The following VDAC1 variants were observed in gnomAD, a reference collection of about 807,000 sequenced individuals.
VDAC1 encodes voltage dependent anion channel 1.
A neutral mutation model predicts 34.7 loss-of-function variants in VDAC1; 10 were observed. That is an observed-to-expected ratio of 0.29 (90% CI 0.18 to 0.49). The LOEUF (loss-of-function observed/expected upper bound fraction) is 0.49. VDAC1 is among the 20% of genes least tolerant of loss of function. VDAC1 has a pLI of 0.99. For synonymous variants in VDAC1, 130 were observed against 136.0 expected, an observed-to-expected ratio of 0.96 and a Z score of 0.30; for missense variants, 230 against 347.9, an observed-to-expected ratio of 0.66 and a Z score of 2.69.
chr5:134,047,164 T>G, the VDAC1 span, among the ~76,000 whole-genome samples: 1 of 151,902 alleles, frequency 6.6e-6, no homozygotes, highest in Non-Finnish European at 1.5e-5. Context: ...AACTCCCCAG[T>G]GAATGAAGCC....
In VDAC1 at chr5:133,991,028, C is replaced by T. The variant is rs139589910; in HGVS notation, c.244G>A (p.Gly82Ser). The change falls in exon 4 of 9, where the codon GGC becomes AGC. Residue 82 changes from glycine to serine, a missense_variant. Transcript: ENST00000265333. ...TEKWNTDNTL[G>S]TEITVEDQLA... ...TGATCTTCCACAGTAATCTCGGTGC[C>T]TAGTGTATTGTCGGTATTCCATTTC... 267 of 1,614,054 alleles carry T rather than the reference C, an allele frequency of 1.7e-4. No homozygotes were observed. The highest frequency in any genetic ancestry group is 2.1e-4 in the Non-Finnish European group (252 of 1,180,034).
the VDAC1 span, among the ~76,000 whole-genome samples, chr5:134,032,582 A>G: frequency 6.6e-6 from 1 of 152,226 alleles, no homozygotes; most frequent in South Asian, 2.1e-4. Flanking sequence ...GAATGGTTGA[A>G]TGAGCCACGG....
chr5:134,046,686 G>C, the VDAC1 span, among the ~76,000 whole-genome samples: 1 of 152,114 alleles, frequency 6.6e-6, no homozygotes, highest in African/African-American at 2.4e-5. Flanking sequence ...CCCAGTTCTG[G>C]GTTGTTTTGG....
the VDAC1 span, among the ~76,000 whole-genome samples, chr5:134,094,687 C>A: frequency 8.5e-6 from 1 of 117,096 alleles, no homozygotes; most frequent in Admixed American, 1.1e-4. Flanking sequence ...AAGAGTGAGA[C>A]TCCGTCTCAA....
the VDAC1 span, among the ~76,000 whole-genome samples, chr5:134,089,217 G>A: frequency 6.6e-6 from 1 of 152,362 alleles, no homozygotes; most frequent in East Asian, 1.9e-4. Context: ...TTGCATAGGG[G>A]CACACCCCAG....
the VDAC1 span, among the ~76,000 whole-genome samples, chr5:134,113,788 C>G: frequency 6.6e-6 from 1 of 152,226 alleles, no homozygotes; most frequent in Non-Finnish European, 1.5e-5. Context: ...CAGCCTGGAT[C>G]GAGCGAGGGT....
At chr5:134,054,869 A>T in the VDAC1 span, among the ~76,000 whole-genome samples, 13 of 152,158 alleles carry the variant, frequency 8.5e-5, no homozygotes. Context: ...CTGCCTGGGA[A>T]TGTGGTTACT....
chr5:134,048,162 G>T, the VDAC1 span, among the ~76,000 whole-genome samples: 1 of 151,794 alleles, frequency 6.6e-6, no homozygotes, highest in Non-Finnish European at 1.5e-5. Flanking sequence ...TAGAGACGGG[G>T]TTTCACCCTG....
chr5:134,006,724 CAG>C (rs1303183436), upstream of VDAC1, among the ~76,000 whole-genome samples: 11 of 133,698 alleles, frequency 8.2e-5, no homozygotes, highest in East Asian at 2.6e-3. Context: ...GCCTGACTGA[CAG>C]AGTGACATTG....
At chr5:134,021,008 A>C in the VDAC1 span, among the ~76,000 whole-genome samples, 1 of 151,700 alleles carries the variant, frequency 6.6e-6, no homozygotes, top group East Asian at 1.9e-4. Flanking sequence ...AAATACAAAA[A>C]AAAAAAAAAA....
chr5:134,080,863 C>T, the VDAC1 span, among the ~76,000 whole-genome samples: 5 of 152,016 alleles, frequency 3.3e-5, no homozygotes, highest in Admixed American at 6.6e-5. Flanking sequence ...TTTAAGACTA[C>T]ATAAATTTTT....
At chr5:133,981,035 C>G in intron 5 of VDAC1, 79 bp from the exon 6 acceptor site, 1 of 1,269,766 alleles carries the variant, frequency 7.9e-7, no homozygotes, top group Non-Finnish European at 1.1e-6. Flanking sequence ...TTTTTTAATC[C>G]CAGGTCAAAT....
the VDAC1 span, among the ~76,000 whole-genome samples, chr5:134,098,837 C>T: frequency 4.6e-5 from 7 of 152,104 alleles, no homozygotes; most frequent in Non-Finnish European, 8.8e-5. Flanking sequence ...TGCAAAAGGT[C>T]CAAGTTCTAG....
At chr5:134,017,668 C>G in the VDAC1 span, among the ~76,000 whole-genome samples, 1 of 152,134 alleles carries the variant, frequency 6.6e-6, no homozygotes, top group Non-Finnish European at 1.5e-5. Flanking sequence ...AATCCCAGCA[C>G]TTTGGGAGGC....
the VDAC1 span, among the ~76,000 whole-genome samples, chr5:134,096,955 C>T: frequency 2.6e-5 from 4 of 152,262 alleles, no homozygotes; most frequent in Admixed American, 6.5e-5. Flanking sequence ...GGGCTTGCAG[C>T]CCCCTCTGGG....
the VDAC1 span, among the ~76,000 whole-genome samples, chr5:134,060,261 T>C: frequency 5.1e-3 from 778 of 152,104 alleles, 8 homozygotes; most frequent in African/African-American, 0.017. Flanking sequence ...AGCTACCACG[T>C]TGATGCGCTG....
At chr5:134,047,079 T>C in the VDAC1 span, among the ~76,000 whole-genome samples, 2 of 152,072 alleles carry the variant, frequency 1.3e-5, no homozygotes, top group Non-Finnish European at 2.9e-5. Context: ...GGCTGGTAAC[T>C]GAGATAATGC....
chr5:134,078,435 G>A, the VDAC1 span, among the ~76,000 whole-genome samples: 6 of 152,092 alleles, frequency 3.9e-5, no homozygotes, highest in Non-Finnish European at 5.9e-5. Context: ...AGGCCCAGGA[G>A]GACAGGAAGA....
chr5:134,091,912 T>C, the VDAC1 span, among the ~76,000 whole-genome samples: 1 of 152,362 alleles, frequency 6.6e-6, no homozygotes, highest in Non-Finnish European at 1.5e-5. Flanking sequence ...TGAGCCTTCA[T>C]GCAGGCTGGG....
Sources: gnomAD v4.1 joint callset for allele counts (sites outside exome capture counted in the v4.1 genomes callset) on GRCh38, gnomAD v4.1.1 for gene constraint, MANE v1.5 for transcripts, NCBI Gene and HGNC (gene_info 2026-07-23, HGNC 2026-07-21) for gene names.